BAMBI: variants seen among roughly 807,000 people sequenced by gnomAD.
BAMBI encodes the protein BMP and activin membrane bound inhibitor.
Under a neutral mutation model 24.1 loss-of-function variants are expected in BAMBI, and 21 were observed. The observed-to-expected ratio is 0.87, with a 90% confidence interval of 0.62 to 1.26. BAMBI has a LOEUF of 1.26. Among genes scored for constraint, BAMBI ranks in the 50% most tolerant of loss-of-function variants. The pLI is 0.00. For missense variants in BAMBI, 388 were observed against 329.1 expected (o/e 1.18, Z -1.38); for synonymous variants, 156 against 123.1 (o/e 1.27, Z -1.77).
rs138207256 is a variant in BAMBI at position 28,681,723 on chromosome 10, A to T, written c.364+178A>T. 1.9e-5 allele frequency: 15 copies of T among 776,058 alleles called. No homozygotes were observed. In the Admixed American group the frequency reaches 2.9e-4, roughly 15 times the overall value. The allele number at this position is 776,058 out of a possible 1,614,324, so 48.1% of individuals were successfully genotyped here. A position where few individuals can be genotyped will look rare whatever the true frequency, so the allele number is the denominator to read the frequency against. On this transcript the variant is annotated intron_variant, in intron 2 of 2. Transcript: ENST00000375533. ...AGTGGCTTTTATGTCTGAGCATTAG[A>T]TGTCTGTCTACATAATAGGTTTTGC...
In BAMBI at chr10:28,681,395, T is replaced by A. The variant is rs1414867899; in HGVS notation, c.214T>A (p.Ser72Thr). Reference sequence around the variant, plus strand: ...CCCACTCACCCATGGCTGCCTGGACTCTCTTGCAAGCACGACAGACATCTG... The same window carrying A: ...CCCACTCACCCATGGCTGCCTGGACACTCTTGCAAGCACGACAGACATCTG... ...NSPLTHGCLD[S>T]LASTTDICQA... The change falls in exon 2 of 3, where the codon TCT (serine) becomes ACT (threonine). Residue 72 changes from serine to threonine, a missense_variant. Transcript: ENST00000375533. 1.9e-6 allele frequency: 3 copies of A among 1,614,134 alleles called. No homozygotes were observed.
chr10:28,677,843 C>T lies in BAMBI; in HGVS notation c.-55C>T. The T allele has an allele frequency of 1.4e-6, 2 of 1,430,004 alleles. No homozygotes were observed. The highest frequency in any genetic ancestry group is 2.7e-5 in the South Asian group (2 of 74,750). 88.6% of individuals were successfully genotyped at this position (1,430,004 alleles called of 1,614,324 possible). ...GCGCGCTCCGGGGGTCGTAGGCTGCCGCCGAGCCGGGGCTCCGGAAGCCGG... is the reference window on the plus strand; with the variant it reads ...GCGCGCTCCGGGGGTCGTAGGCTGCTGCCGAGCCGGGGCTCCGGAAGCCGG... On this transcript the variant is annotated 5_prime_UTR_variant, in exon 1 of 3. Transcript: ENST00000375533.
chr10:28,681,346 T>C lies in BAMBI; in HGVS notation c.165T>C (p.Leu55=), dbSNP rs1222600414. ...KSELSACFSR[L]LDPQNSNSPL... ...AGCTCAGCGCCTGCTTCTCTAGACT[T>C]CTTGATCCTCAGAACTCAAATTCCC... The change falls in exon 2 of 3, where the codon CTT becomes CTC. Residue 55 remains leucine (L), a synonymous_variant. Coordinates refer to ENST00000375533, the MANE Select transcript of BAMBI (RefSeq NM_012342.3). 6.2e-7 allele frequency: 1 copy of C among 1,614,190 alleles called. No homozygotes were observed. Among genetic ancestry groups the C allele is most frequent in the Non-Finnish European group, 8.5e-7 (1 of 1,180,044 alleles).
In BAMBI at chr10:28,682,033, G is replaced by A. The variant is rs756805246; in HGVS notation, c.415G>A (p.Val139Met). 1.9e-6 allele frequency: 3 copies of A among 1,614,136 alleles called. No individual in the cohort carries two copies. The South Asian group carries it at 3.3e-5, about 18-fold the overall frequency. The change falls in exon 3 of 3, where the codon GTG (valine) becomes ATG (methionine). Residue 139 changes from valine (V) to methionine (M), a missense_variant. By Grantham distance (21) the Val-to-Met change is conservative. Coordinates refer to ENST00000375533, the MANE Select transcript of BAMBI (RefSeq NM_012342.3). ...HDGSRNLITK[V>M]QELTSSKELW... ...TGGTAGCAGAAACCTTATCACCAAGGTGCAGGAGCTGACTTCTTCCAAAGA... is the reference window on the plus strand; with the variant it reads ...TGGTAGCAGAAACCTTATCACCAAGATGCAGGAGCTGACTTCTTCCAAAGA...
At chr10:28,678,889 T>G (rs144743388) in intron 1 of BAMBI, among the ~76,000 whole-genome samples, 5 of 151,462 alleles carry the variant, frequency 3.3e-5, no homozygotes, top group African/African-American at 7.3e-5. Context: ...TAGAAAGAAA[T>G]AACCCGAACT....
In BAMBI at chr10:28,677,874, G is replaced by A. The variant is rs1023344367; in HGVS notation, c.-24G>A. The A allele has an allele frequency of 1.0e-5, 15 of 1,488,972 alleles. No homozygotes were observed. In the Admixed American group the frequency reaches 2.6e-4, roughly 26 times the overall value. 92.2% of individuals were successfully genotyped at this position (1,488,972 alleles called of 1,614,324 possible). Reference sequence around the variant, plus strand: ...GCCGGGGCTCCGGAAGCCGGCGGGGGCGCCGCGGCCGTGCGGGGCGTCAAT... The same window carrying A: ...GCCGGGGCTCCGGAAGCCGGCGGGGACGCCGCGGCCGTGCGGGGCGTCAAT... On this transcript the variant is annotated 5_prime_UTR_variant, in exon 1 of 3. Coordinates refer to ENST00000375533, the MANE Select transcript of BAMBI (RefSeq NM_012342.3).
intron 1 of BAMBI, among the ~76,000 whole-genome samples, chr10:28,678,351 G>A (rs1834460704): frequency 6.6e-6 from 1 of 152,228 alleles, no homozygotes; most frequent in Non-Finnish European, 1.5e-5. Flanking sequence ...CTGTGTGAGT[G>A]CCTCAGGGTG....
rs1215583123 is a variant in BAMBI, at chr10:28,682,267, G to C, written c.649G>C (p.Val217Leu). 6.2e-7 allele frequency: 1 copy of C among 1,614,026 alleles called. No individual in the cohort carries two copies. Among genetic ancestry groups the C allele is most frequent in the African/African-American group, 1.3e-5 (1 of 74,890 alleles). ...TGCAAAGTTAGACTTGGAATGCATG[G>C]TGCCGGTCAGTGGGCACGAGAACTG... ...QVAKLDLECMVPVSGHENCCL... is the reference protein window; with the variant it reads ...QVAKLDLECMLPVSGHENCCL... The change falls in exon 3 of 3, where the codon GTG becomes CTG. Residue 217 changes from valine (V) to leucine (L), a missense_variant. Physicochemically the swap from Val to Leu is conservative, Grantham distance 32. Transcript: ENST00000375533.
chr10:28,682,777 G>A lies in BAMBI; in HGVS notation c.*376G>A, dbSNP rs1220887892. The A allele has an allele frequency of 6.1e-6, 1 of 163,200 alleles. No homozygotes were observed. Among genetic ancestry groups the A allele is most frequent in the Non-Finnish European group, 1.3e-5 (1 of 75,220 alleles). 10.1% of individuals were successfully genotyped at this position (163,200 alleles called of 1,614,324 possible). The stretch of plus-strand genomic sequence containing the variant: ...TATATATTTTGTCTGAAATTTAATA[G>A]TGTCTTTCATAAATTTAACTGGGAA... On this transcript the variant is annotated 3_prime_UTR_variant, in exon 3 of 3. Coordinates refer to ENST00000375533, the MANE Select transcript of BAMBI (RefSeq NM_012342.3).
Position 28,677,935 on chromosome 10 carries a change from A to C in BAMBI, c.38A>C (p.Gln13Pro). ...TCCAGCTACATCTTCATCTGGCTGC[A>C]GCTGGAGCTCTGCGCCATGGCCGTG... is the stretch of plus-strand genomic sequence containing the variant. ...RHSSYIFIWL[Q>P]LELCAMAVLL... Residue 13 changes from glutamine to proline, a missense_variant, in exon 1 of 3, where the codon CAG becomes CCG. Physicochemically the swap from Gln to Pro is moderately conservative, Grantham distance 76. Transcript: ENST00000375533. 6.5e-7 allele frequency: 1 copy of C among 1,534,758 alleles called. No homozygotes were observed. The highest frequency in any genetic ancestry group is 8.7e-7 in the Non-Finnish European group (1 of 1,147,324).
rs1427954328 is a variant in BAMBI, at chr10:28,680,204, T to C, written c.77-1054T>C. 2.6e-5 allele frequency among the ~76,000 whole-genome samples: 4 copies of C among 152,244 alleles called. No individual in the cohort carries two copies. In the South Asian group the frequency reaches 6.2e-4, roughly 24 times the overall value. ...ACTGGAAGAGGCGTGTGCATTAGTT[T>C]AGTTTACTCGCTGTGGCATGTGACA... is the stretch of plus-strand genomic sequence containing the variant. On this transcript the variant is annotated intron_variant, in intron 1 of 2. Transcript: ENST00000375533.
chr10:28,680,507 T>TGAGGAG (rs61519238), intron 1 of BAMBI, among the ~76,000 whole-genome samples: 20,222 of 152,012 alleles, frequency 0.13, 1,804 homozygotes, highest in East Asian at 0.35. Context: ...GTAAAACTTG[T>TGAGGAG]GAGGAGGAGG....
At chr10:28,679,533 A>T (rs1453302591) in intron 1 of BAMBI, among the ~76,000 whole-genome samples, 2 of 100,432 alleles carry the variant, frequency 2.0e-5, no homozygotes, top group Admixed American at 1.3e-4. Context: ...GGCTCCAATT[A>T]AAAAAAAAAG....
At chr10:28,678,077 C>T in intron 1 of BAMBI, 104 bp downstream of exon 1, 3 of 1,063,582 alleles carry the variant, frequency 2.8e-6, no homozygotes, top group South Asian at 3.4e-5. Context: ...CCCTCCTGCG[C>T]CGGAGCCGCA....
intron 1 of BAMBI, among the ~76,000 whole-genome samples, chr10:28,678,655 G>C (rs1469909170): frequency 6.6e-6 from 1 of 151,486 alleles, no homozygotes; most frequent in African/African-American, 2.4e-5. Context: ...GTGTGAGTGT[G>C]TCTCTGCGTA....
chr10:28,678,597 GTCTGTC>G (rs1834463981), intron 1 of BAMBI, among the ~76,000 whole-genome samples: 1 of 152,106 alleles, frequency 6.6e-6, no homozygotes. Context: ...GCATTTCTGT[GTCTGTC>G]TCTAAGTGTC....
In BAMBI at chr10:28,677,730, C is replaced by T. The variant is rs949147107; in HGVS notation, c.-168C>T. ...ACTTTTCTGGGCTCCTGGGCGCGCC[C>T]TGTAGCCGCGCTCCATGCTCCGGCA... On this transcript the variant is annotated 5_prime_UTR_variant, in exon 1 of 3. Transcript: ENST00000375533. 3.0e-6 allele frequency: 1 copy of T among 328,644 alleles called. No individual in the cohort carries two copies. The highest frequency in any genetic ancestry group is 1.5e-4 in the South Asian group (1 of 6,732). 20.4% of individuals were successfully genotyped at this position (328,644 alleles called of 1,614,324 possible).
At position 28,681,983 on chromosome 10, in the gene BAMBI, G is replaced by C; in HGVS notation, c.365G>C (p.Gly122Ala). ...GATCATTTTCTTTGTACTCCTTTAG[G>C]ACAAGGAAACAGGTATCAGCATGAT... ...VLSPPRGEAS[G>A]QGNRYQHDGS... The change falls in exon 3 of 3, where the codon GGA becomes GCA. Residue 122 changes from glycine (G) to alanine (A), a missense_variant and splice_region_variant. Coordinates refer to ENST00000375533, the MANE Select transcript of BAMBI (RefSeq NM_012342.3). The C allele has an allele frequency of 1.9e-6, 3 of 1,609,444 alleles. No homozygotes were observed. The highest frequency in any genetic ancestry group is 2.6e-6 in the Non-Finnish European group (3 of 1,176,434).
At position 28,677,773 on chromosome 10, in the gene BAMBI, C is replaced by A; in HGVS notation, c.-125C>A. ...CTCCGGCAGCGGCCCGAAACCCAGC[C>A]CCGCCGCTGACGGCGCCCGCCGCTC... On this transcript the variant is annotated 5_prime_UTR_variant, in exon 1 of 3. Transcript: ENST00000375533. The A allele has an allele frequency of 1.8e-6, 1 of 545,066 alleles. No homozygotes were observed. Among genetic ancestry groups the A allele is most frequent in the Non-Finnish European group, 2.6e-6 (1 of 381,742 alleles). 33.8% of individuals were successfully genotyped at this position (545,066 alleles called of 1,614,324 possible). A position where few individuals can be genotyped will look rare whatever the true frequency, so the allele number is the denominator to read the frequency against.
Sources: gnomAD v4.1 joint callset for allele counts (sites outside exome capture counted in the v4.1 genomes callset) on GRCh38, gnomAD v4.1.1 for gene constraint, MANE v1.5 for transcripts, NCBI Gene and HGNC (gene_info 2026-07-23, HGNC 2026-07-21) for gene names.